CEP89: variants seen among roughly 807,000 people sequenced by gnomAD.
The protein encoded by CEP89 is centrosomal protein of 89 kDa.
Under a neutral mutation model 97.6 loss-of-function variants are expected in CEP89, and 95 were observed. That is an observed-to-expected ratio of 0.97 (90% CI 0.82 to 1.15). The LOEUF is 1.15. CEP89 is among the 50% of genes most tolerant of loss of function. The probability of loss-of-function intolerance (pLI) is 0.00; values close to 1 mark genes in which losing one functional copy is unlikely to be tolerated. For missense variants in CEP89, 869 were observed against 947.7 expected (o/e 0.92, Z 1.09); for synonymous variants, 354 against 349.1 (o/e 1.01, Z -0.16).
At chr19:32,912,194 C>T (rs946606133) in intron 14 of CEP89, among the ~76,000 whole-genome samples, 5 of 148,116 alleles carry the variant, frequency 3.4e-5, no homozygotes, top group South Asian at 2.2e-4. Context: ...CAGAGTAAGA[C>T]TCTGTCTCAA....
chr19:32,901,288 T>C lies in CEP89; in HGVS notation c.1690A>G (p.Lys564Glu). The C allele has an allele frequency of 1.2e-6, 2 of 1,614,048 alleles. No homozygotes were observed. The highest frequency in any genetic ancestry group is 1.7e-6 in the Non-Finnish European group (2 of 1,180,014). Residue 564 changes from lysine (K) to glutamate (E), a missense_variant, in exon 15 of 19, where the codon AAA (lysine) becomes GAA (glutamate). Transcript: ENST00000305768. ...CGTTCAAGTTCGGCTTCCAGTGCTT[T>C]GTTTTGCTCTGTCAAACTGTTCTTC... ...LEKNSLTEQN[K>E]ALEAELERAQ... is the part of the protein sequence containing the mutation.
At chr19:32,932,096 G>A (rs1415249259) in intron 8 of CEP89, among the ~76,000 whole-genome samples, 1 of 151,810 alleles carries the variant, frequency 6.6e-6, no homozygotes, top group Admixed American at 6.6e-5. Context: ...CAGGAGAATG[G>A]CGTGAACCCA....
At chr19:32,969,227 C>T (rs141812113) in intron 1 of CEP89, 1 of 152,516 alleles carries the variant, frequency 6.6e-6, no homozygotes, top group Non-Finnish European at 1.5e-5. Context: ...AGCTGGTCAT[C>T]CTGTCCCCTC....
intron 14 of CEP89, among the ~76,000 whole-genome samples, chr19:32,902,028 G>C (rs1969790189): frequency 1.3e-5 from 2 of 151,220 alleles, no homozygotes; most frequent in Admixed American, 1.3e-4. Context: ...GTGTGTGTGT[G>C]TGTGTGTGTG....
At chr19:32,959,860 C>T (rs1971127656) in intron 3 of CEP89, 40 bp downstream of exon 3, 1 of 1,610,274 alleles carries the variant, frequency 6.2e-7, no homozygotes, top group Non-Finnish European at 8.5e-7. Flanking sequence ...TGCCCCTCTT[C>T]CACTCTCAGA....
chr19:32,912,992 G>A (rs1163134744), intron 14 of CEP89, among the ~76,000 whole-genome samples: 1 of 151,044 alleles, frequency 6.6e-6, no homozygotes, highest in Non-Finnish European at 1.5e-5. Context: ...GCAGTGAGCC[G>A]AGATAGCGCT....
intron 17 of CEP89, among the ~76,000 whole-genome samples, chr19:32,883,779 A>G (rs536128770): frequency 6.6e-6 from 1 of 152,182 alleles, no homozygotes; most frequent in Non-Finnish European, 1.5e-5. Flanking sequence ...TCTTTTATAT[A>G]TATGTAAATA....
At chr19:32,907,415 C>T (rs1335178952) in intron 14 of CEP89, among the ~76,000 whole-genome samples, 1 of 151,382 alleles carries the variant, frequency 6.6e-6, no homozygotes, top group Non-Finnish European at 1.5e-5. Context: ...TGAGGACAGT[C>T]CATAAATGCT....
intron 5 of CEP89, among the ~76,000 whole-genome samples, 190 bp from the exon 6 acceptor site, chr19:32,940,075 T>C (rs1367510286): frequency 6.6e-6 from 1 of 152,054 alleles, no homozygotes; most frequent in Admixed American, 6.6e-5. Context: ...TAAATTGTCA[T>C]CTCTCTCCCA....
intron 9 of CEP89, among the ~76,000 whole-genome samples, chr19:32,930,329 A>G (rs918641405): frequency 6.6e-6 from 1 of 152,016 alleles, no homozygotes; most frequent in African/African-American, 2.4e-5. Context: ...TGCCCAGCCA[A>G]CATTTCTTGA....
At chr19:32,946,543 G>A (rs1220079814) in intron 5 of CEP89, among the ~76,000 whole-genome samples, 1 of 152,168 alleles carries the variant, frequency 6.6e-6, no homozygotes, top group Non-Finnish European at 1.5e-5. Flanking sequence ...ACAATTAAGT[G>A]TGTTTAGCTT....
intron 13 of CEP89, among the ~76,000 whole-genome samples, chr19:32,916,952 G>T (rs924705672): frequency 1.3e-5 from 2 of 152,136 alleles, no homozygotes; most frequent in African/African-American, 2.4e-5. Flanking sequence ...AAGTTGCAGT[G>T]AGCCTAGATC....
rs753360216 is a variant in CEP89 at position 32,915,497 on chromosome 19, G to A, written c.1405C>T (p.Leu469=). Residue 469 remains leucine (L), a synonymous_variant, in exon 14 of 19, where the codon CTA becomes TTA. Transcript: ENST00000305768. ...LQEVSKLTKQ[L]MLLEAKTHGQ... is the part of the protein sequence containing the mutation. ...TGGGTTTTTGCCTCCAGGAGCATTA[G>A]TTGTTTAGTCAGCTTAGAAACTGAA... 1.9e-6 allele frequency: 3 copies of A among 1,611,222 alleles called. No individual in the cohort carries two copies. The highest frequency in any genetic ancestry group is 2.5e-6 in the Non-Finnish European group (3 of 1,179,358).
intron 17 of CEP89, among the ~76,000 whole-genome samples, chr19:32,883,452 G>C (rs545294549): frequency 3.3e-5 from 5 of 152,086 alleles, no homozygotes; most frequent in Admixed American, 2.0e-4. Flanking sequence ...TCAGGAGTTC[G>C]AGACCAGCCT....
At chr19:32,961,280 G>A (rs1971160985) in intron 2 of CEP89, among the ~76,000 whole-genome samples, 1 of 151,890 alleles carries the variant, frequency 6.6e-6, no homozygotes, top group Non-Finnish European at 1.5e-5. Flanking sequence ...AATCATATAA[G>A]AAAGACCCGG....
chr19:32,932,503 AG>A (rs1388106972), intron 8 of CEP89, among the ~76,000 whole-genome samples: 1 of 152,174 alleles, frequency 6.6e-6, no homozygotes, highest in Non-Finnish European at 1.5e-5. Flanking sequence ...CAAGAGTGTA[AG>A]TCATAAAAGA....
rs368024163 is a variant in CEP89, at chr19:32,890,884, C to G, written c.1876-3043G>C. ...GGCATCATTTTGAGAGTCCAGCCCC[C>G]ACCAGACTACATCCTGCCCTGGGAC... On this transcript the variant is annotated intron_variant, in intron 16 of 18. Coordinates refer to ENST00000305768, the MANE Select transcript of CEP89 (RefSeq NM_032816.5). 2.1e-4 allele frequency among the ~76,000 whole-genome samples: 32 copies of G among 152,282 alleles called. No homozygotes were observed. In the East Asian group the frequency reaches 2.7e-3, roughly 13 times the overall value.
intron 14 of CEP89, among the ~76,000 whole-genome samples, chr19:32,913,311 TTGTTGTTG>T (rs1328886536): frequency 1.1e-3 from 30 of 26,676 alleles, no homozygotes; most frequent in African/African-American, 4.1e-3. Flanking sequence ...ATATATTTTT[TTGTTGTTG>T]TTGTTGTTGT....
chr19:32,941,425 T>A (rs903589444), intron 5 of CEP89, among the ~76,000 whole-genome samples: 17 of 151,834 alleles, frequency 1.1e-4, no homozygotes, highest in Non-Finnish European at 2.1e-4. Flanking sequence ...ATTGCTTGAG[T>A]TTGGGAGGCA....
Sources: gnomAD v4.1 joint callset for allele counts (sites outside exome capture counted in the v4.1 genomes callset) on GRCh38, gnomAD v4.1.1 for gene constraint, MANE v1.5 for transcripts, NCBI Gene and HGNC (gene_info 2026-07-23, HGNC 2026-07-21) for gene names.